PAH: variants seen among roughly 807,000 people sequenced by gnomAD.
The protein encoded by PAH is phenylalanine hydroxylase, also known as phenylalanine-4-hydroxylase.
In PAH, 64 loss-of-function variants were observed where a neutral mutation model predicts 62.0. That is an observed-to-expected ratio of 1.03 (90% confidence interval 0.84 to 1.27). The LOEUF (loss-of-function observed/expected upper bound fraction) is 1.27, where lower values mean the gene tolerates loss of function less well. PAH is among the 50% of genes most tolerant of loss of function. The pLI, the probability that PAH is intolerant of heterozygous loss-of-function variation, is 0.00. For synonymous variants in PAH, 195 were observed against 196.2 expected, an observed-to-expected ratio of 0.99 and a Z score of 0.05; for missense variants, 579 against 542.8, an observed-to-expected ratio of 1.07 and a Z score of -0.66.
At chr12:102,939,191 C>T (rs78613030) in intron 1 of PAH, among the ~76,000 whole-genome samples, 165 of 152,070 alleles carry the variant, frequency 1.1e-3, no homozygotes, top group African/African-American at 3.6e-3. Flanking sequence ...CTGACAGCCC[C>T]GTGTCTCTCT....
chr12:102,856,802 A>G (rs942662085), intron 5 of PAH, among the ~76,000 whole-genome samples: 1 of 152,214 alleles, frequency 6.6e-6, no homozygotes, highest in Non-Finnish European at 1.5e-5. Context: ...CTAACAAACA[A>G]AAAGGACATC....
intron 1 of PAH, among the ~76,000 whole-genome samples, chr12:102,923,769 C>T (rs1204870217): frequency 6.6e-6 from 1 of 152,104 alleles, no homozygotes; most frequent in African/African-American, 2.4e-5. Flanking sequence ...TTGGGGATTT[C>T]CCAGAGGTTT....
At chr12:102,870,120 A>C (rs1876233475) in intron 4 of PAH, among the ~76,000 whole-genome samples, 1 of 152,164 alleles carries the variant, frequency 6.6e-6, no homozygotes, top group Non-Finnish European at 1.5e-5. Context: ...TGAAGTCTGC[A>C]TGTATTGAGA....
chr12:102,934,620 C>A lies in PAH; in HGVS notation c.-96+15969G>T, dbSNP rs183122477. On this transcript the variant is annotated intron_variant, in intron 1 of 3. Coordinates refer to the PAH transcript ENST00000546844. ...TCTTTCATCAATGTCTTATAGTTTT[C>A]ATTGTAGAGACCTTTCACTTCTTAG... Among the ~76,000 whole-genome samples, 65 of 152,028 alleles carry A rather than the reference C, an allele frequency of 4.3e-4. No homozygotes were observed. The East Asian group carries it at 0.012, about 27-fold the overall frequency.
At position 102,895,854 on chromosome 12, in the gene PAH, C is replaced by CAAAAA. The variant is rs780516168; in HGVS notation, c.169-941_169-937dup. Among the ~76,000 whole-genome samples, 9 of 105,038 alleles carry CAAAAA rather than the reference C, an allele frequency of 8.6e-5. 1 individual carries two copies. The highest frequency in any genetic ancestry group is 1.4e-4 in the African/African-American group (4 of 29,264). The allele number at this position is 105,038 out of a possible 152,430, so 68.9% of individuals were successfully genotyped here. A position where few individuals can be genotyped will look rare whatever the true frequency, so the allele number is the denominator to read the frequency against. On this transcript the variant is annotated intron_variant, in intron 2 of 12. Coordinates refer to ENST00000553106, the MANE Select transcript of PAH (RefSeq NM_000277.3). ...TGGGCGACAGAGCGAGACTCTGTCT[C>CAAAAA]AAAAAAAAAAAAAAAATATATATAT... is the stretch of plus-strand genomic sequence containing the variant.
At chr12:102,907,556 A>G (rs1878024996) in intron 2 of PAH, among the ~76,000 whole-genome samples, 1 of 152,046 alleles carries the variant, frequency 6.6e-6, no homozygotes, top group African/African-American at 2.4e-5. Flanking sequence ...TTCCACAAAT[A>G]CTAGAATTTG....
At chr12:102,929,782 T>A (rs1465291112) in intron 1 of PAH, among the ~76,000 whole-genome samples, 3 of 152,090 alleles carry the variant, frequency 2.0e-5, no homozygotes, top group Non-Finnish European at 4.4e-5. Context: ...AATTTAGAAA[T>A]TTTAAAAAGA....
chr12:102,912,802 G>T lies in PAH; in HGVS notation c.157C>A (p.Arg53Ser), dbSNP rs199475619. Residue 53 changes from arginine to serine, a missense_variant, in exon 2 of 13, where the codon CGC becomes AGC. By Grantham distance (110) the Arg-to-Ser change is moderately radical. Coordinates refer to ENST00000553106, the MANE Select transcript of PAH (RefSeq NM_000277.3). Reference protein sequence around the residue: ...EEVGALAKVLRLFEENDVNLT... With the variant: ...EEVGALAKVLSLFEENDVNLT... ...ATTGTAGCACTGACCTCAAATAAGC[G>T]CAATACTTTGGCCAATGCACCAACT... is the stretch of plus-strand genomic sequence containing the variant. 9 of 1,608,754 alleles carry T rather than the reference G, an allele frequency of 5.6e-6. No homozygotes were observed. Among genetic ancestry groups the T allele is most frequent in the Middle Eastern group, 1.6e-4 (1 of 6,078 alleles).
Position 102,902,235 on chromosome 12 carries a change from G to C in PAH, c.169-7317C>G, listed in dbSNP as rs1592983060. 3.3e-5 allele frequency among the ~76,000 whole-genome samples: 5 copies of C among 152,340 alleles called. No individual in the cohort carries two copies. The South Asian group carries it at 1.0e-3, about 32-fold the overall frequency. On this transcript the variant is annotated intron_variant, in intron 2 of 12. Coordinates refer to ENST00000553106, the MANE Select transcript of PAH (RefSeq NM_000277.3). ...GGCAGACCAACAAGGAGACCGGTGT[G>C]ACTGGGGCAGAGTGAGCAGGAAGCG...
intron 6 of PAH, chr12:102,853,376 G>GCGGCC: frequency 3.3e-6 from 1 of 304,006 alleles, no homozygotes; most frequent in Non-Finnish European, 6.4e-6. Flanking sequence ...GAAGAGTATG[G>GCGGCC]ATAGAGTGCT....
intron 1 of PAH, chr12:102,914,529 C>T (rs1360565620): frequency 6.6e-6 from 1 of 152,312 alleles, no homozygotes; most frequent in Non-Finnish European, 1.5e-5. Flanking sequence ...CCATGAATCA[C>T]AATCTCTTGC....
chr12:102,912,159 C>T (rs1878224789), intron 2 of PAH, among the ~76,000 whole-genome samples: 1 of 152,144 alleles, frequency 6.6e-6, no homozygotes, highest in African/African-American at 2.4e-5. Context: ...TTTATAGACT[C>T]TAAAAGTCCT....
At chr12:102,930,505 T>A (rs1878821920) in intron 1 of PAH, among the ~76,000 whole-genome samples, 1 of 152,212 alleles carries the variant, frequency 6.6e-6, no homozygotes, top group South Asian at 2.1e-4. Flanking sequence ...GAGATCCAGA[T>A]AAGAACAAGA....
intron 1 of PAH, among the ~76,000 whole-genome samples, chr12:102,915,827 T>A (rs1405373713): frequency 1.3e-5 from 2 of 152,142 alleles, no homozygotes; most frequent in Non-Finnish European, 2.9e-5. Context: ...CCTATTTTTT[T>A]AATTATAACT....
rs138974865 is a variant in PAH at position 102,931,092 on chromosome 12, A to T, written c.-95-13867T>A. 9.8e-5 allele frequency among the ~76,000 whole-genome samples: 15 copies of T among 152,290 alleles called. No individual in the cohort carries two copies. The East Asian group carries it at 2.9e-3, about 29-fold the overall frequency. On this transcript the variant is annotated intron_variant, in intron 1 of 3. Transcript: ENST00000546844. ...GATTAGATAATTTATTAATAAAAATATTATATAATTTACCTGGAATTTGTG... is the reference window on the plus strand; with the variant it reads ...GATTAGATAATTTATTAATAAAAATTTTATATAATTTACCTGGAATTTGTG...
chr12:102,842,805 G>T (rs936801579), intron 11 of PAH, among the ~76,000 whole-genome samples: 2 of 152,044 alleles, frequency 1.3e-5, no homozygotes. Context: ...CCATAGATAG[G>T]GTTGAAAGCT....
At chr12:102,859,774 C>T (rs1014573456) in intron 5 of PAH, among the ~76,000 whole-genome samples, 1 of 152,180 alleles carries the variant, frequency 6.6e-6, no homozygotes, top group East Asian at 1.9e-4. Flanking sequence ...AATTCAACAG[C>T]CTTTCATGCT....
At chr12:102,954,509 G>A (rs960076138), upstream of PAH, among the ~76,000 whole-genome samples, 6 of 152,198 alleles carry the variant, frequency 3.9e-5, no homozygotes, top group Admixed American at 1.3e-4. Flanking sequence ...ACTCTTGGAG[G>A]TAGATACTAT....
At chr12:102,877,429 GA>G in intron 4 of PAH, 32 bp downstream of exon 4, 2 of 1,515,214 alleles carry the variant, frequency 1.3e-6, no homozygotes, top group Non-Finnish European at 1.8e-6. Context: ...GAGAGGCACT[GA>G]AAAAATCTCA....
Sources: allele counts gnomAD v4.1 joint callset (sites outside exome capture counted in the v4.1 genomes callset), GRCh38; gene constraint gnomAD v4.1.1; transcripts MANE v1.5; gene names NCBI Gene and HGNC (gene_info 2026-07-23, HGNC 2026-07-21).